Variants in LMO2 observed in about 807,000 individuals in gnomAD.
The protein encoded by LMO2 is LIM domain only 2.
LMO2 carries 20 observed loss-of-function variants against 23.2 expected under a neutral mutation model. That is an observed-to-expected ratio of 0.86 (90% CI 0.61 to 1.25). The LOEUF is 1.25. LMO2 is among the 50% of genes most tolerant of loss of function. The pLI, the probability that LMO2 is intolerant of heterozygous loss-of-function variation, is 0.00. For synonymous variants in LMO2, 123 were observed against 130.2 expected (o/e 0.94, Z 0.38); for missense variants, 270 against 315.3 (o/e 0.86, Z 1.09).
Position 33,866,613 on chromosome 11 carries a change from G to C in LMO2, c.249-1796C>G, listed in dbSNP as rs1856794183. Among the ~76,000 whole-genome samples, 3 of 152,208 alleles carry C rather than the reference G, an allele frequency of 2.0e-5. No individual in the cohort carries two copies. The South Asian group carries it at 6.2e-4, about 31-fold the overall frequency. On this transcript the variant is annotated intron_variant, in intron 4 of 5. Transcript: ENST00000257818. ...CACTCTAGACTAGACAACACAGTGA[G>C]ACCCTAGCTCAAAAAAATTCAAAAC...
rs1338212740 is a variant in LMO2 at position 33,870,570 on chromosome 11, C to T, written c.-271-583G>A. ...CCGGGACTGCACGGGCTGGGGACGC[C>T]TAGAGCAGAGCCAGGGCAGCTAATC... On this transcript the variant is annotated intron_variant, in intron 2 of 5. Coordinates refer to ENST00000257818, the MANE Select transcript of LMO2 (RefSeq NM_005574.4). 5 of 985,428 alleles carry T rather than the reference C, an allele frequency of 5.1e-6. No homozygotes were observed. In the East Asian group the frequency reaches 3.4e-4, roughly 67 times the overall value. The allele number at this position is 985,428 out of a possible 1,614,324, so 61.0% of individuals were successfully genotyped here. A position where few individuals can be genotyped will look rare whatever the true frequency, so the allele number is the denominator to read the frequency against.
In LMO2 at chr11:33,880,227, T is replaced by TGATATATATATCATATATACAC. The variant is rs2133711115; in HGVS notation, c.-272+1575_-272+1596dup. Among the ~76,000 whole-genome samples, 1 of 148,780 alleles carries TGATATATATATCATATATACAC rather than the reference T, an allele frequency of 6.7e-6. No individual in the cohort carries two copies. Among genetic ancestry groups the TGATATATATATCATATATACAC allele is most frequent in the East Asian group, 2.0e-4 (1 of 5,062 alleles). ...ATGATATATATATCATATATACACA[T>TGATATATATATCATATATACAC]GATATATATATCATATATACACATG... On this transcript the variant is annotated intron_variant, in intron 2 of 5. Transcript: ENST00000257818. This position sits in a 1 kb window ranked among gnomAD's most constrained non-coding sequence, Gnocchi z 4.3.
chr11:33,884,125 C>T (rs1214776410), intron 1 of LMO2, among the ~76,000 whole-genome samples: 2 of 152,146 alleles, frequency 1.3e-5, no homozygotes, highest in Non-Finnish European at 2.9e-5. Context: ...ATTACTTATG[C>T]AGGCATAGGC....
intron 4 of LMO2, 102 bp downstream of exon 4, chr11:33,869,244 G>T: frequency 1.2e-6 from 1 of 844,674 alleles, no homozygotes. Flanking sequence ...CGCCGCGAGC[G>T]CGCACCTGGA....
rs1034003777 is a variant in LMO2 at position 33,888,936 on chromosome 11, C to A, written c.-336+2859G>T. On this transcript the variant is annotated intron_variant, in intron 1 of 5. Transcript: ENST00000257818. ...GGAAAACTGAGGCTCAGGAAGGGTA[C>A]GCAACTTCTCCAGGCAGGACAGCTA... 3.3e-5 allele frequency among the ~76,000 whole-genome samples: 5 copies of A among 152,172 alleles called. No homozygotes were observed. The East Asian group carries it at 9.6e-4, about 29-fold the overall frequency.
intron 2 of LMO2, among the ~76,000 whole-genome samples, chr11:33,871,932 C>A (rs892987423): frequency 6.6e-6 from 1 of 152,056 alleles, no homozygotes; most frequent in African/African-American, 2.4e-5. Context: ...CATCCTTGAC[C>A]AGCTGTGTCA....
rs771681806 is a variant in LMO2 at position 33,864,672 on chromosome 11, G to A, written c.394C>T (p.Arg132Trp). The A allele has an allele frequency of 9.3e-6, 15 of 1,613,908 alleles. No individual in the cohort carries two copies. Among genetic ancestry groups the A allele is most frequent in the Admixed American group, 5.0e-5 (3 of 59,986 alleles). Residue 132 changes from arginine to tryptophan, a missense_variant, in exon 5 of 6, where the codon CGG (arginine) becomes TGG (tryptophan). Around this residue, in one of 2 missense-constraint regions of LMO2, gnomAD observed 100 missense variants for 153.3 expected, o/e 0.65. Coordinates refer to ENST00000257818, the MANE Select transcript of LMO2 (RefSeq NM_005574.4). The surrounding 1 kb of genome is among the most constrained non-coding windows in gnomAD (Gnocchi z 4.8). ...AGGCGCCGCCCCACCTCACCCAGCC[G>A]GCAGCCACAGAGGTCGCAGCTCAGG... ...DCLSCDLCGC[R>W]LGEVGRRLYY...
chr11:33,871,185 T>G, intron 2 of LMO2: 1 of 302,802 alleles, frequency 3.3e-6, no homozygotes, highest in Non-Finnish European at 4.8e-6. Context: ...GGGTCCCTAA[T>G]GGGTATAATC....
Position 33,859,364 on chromosome 11 carries a change from T to G in LMO2, c.676A>C (p.Met226Leu). The G allele has an allele frequency of 6.2e-7, 1 of 1,613,408 alleles. No individual in the cohort carries two copies. The highest frequency in any genetic ancestry group is 8.5e-7 in the Non-Finnish European group (1 of 1,179,428). ...DIYEWTKINGMI is the reference protein window; with the variant it reads ...DIYEWTKINGLI The stretch of plus-strand genomic sequence containing the variant: ...TGCCCGGGGACTCGGGCCTATATCA[T>G]CCCATTGATCTTAGTCCACTCGTAG... Residue 226 changes from methionine (M) to leucine (L), a missense_variant, in exon 6 of 6, where the codon ATG becomes CTG. Met to Leu is a conservative substitution (Grantham distance 15). Transcript: ENST00000257818.
At chr11:33,878,315 TTCTC>T (rs1194823563) in intron 2 of LMO2, among the ~76,000 whole-genome samples, 1 of 152,200 alleles carries the variant, frequency 6.6e-6, no homozygotes, top group Admixed American at 6.5e-5. Context: ...TGTTACTCTT[TTCTC>T]TCTATCGGGG....
intron 2 of LMO2, among the ~76,000 whole-genome samples, chr11:33,879,732 G>T (rs914303022): frequency 2.6e-5 from 4 of 152,062 alleles, no homozygotes; most frequent in Admixed American, 2.0e-4. Context: ...ACATACAAAT[G>T]GCCAATAAGC....
At chr11:33,870,505 G>T in intron 2 of LMO2, 1 of 987,844 alleles carries the variant, frequency 1.0e-6, no homozygotes, top group Non-Finnish European at 1.2e-6. Flanking sequence ...CGGGCTCCGG[G>T]CTGCGGCCGC....
At chr11:33,872,249 C>T (rs1308555699) in intron 2 of LMO2, among the ~76,000 whole-genome samples, 1 of 152,178 alleles carries the variant, frequency 6.6e-6, no homozygotes, top group Non-Finnish European at 1.5e-5. Context: ...AGAGATCGCG[C>T]CATTGCACTC....
At chr11:33,889,803 T>G (rs1362027492) in intron 1 of LMO2, among the ~76,000 whole-genome samples, 3 of 152,208 alleles carry the variant, frequency 2.0e-5, no homozygotes, top group Non-Finnish European at 1.5e-5. Context: ...CTACTGGGTA[T>G]CCATCCAAAG....
intron 1 of LMO2, among the ~76,000 whole-genome samples, chr11:33,883,315 A>G (rs1226718824): frequency 1.3e-5 from 2 of 152,230 alleles, no homozygotes; most frequent in Non-Finnish European, 2.9e-5. Flanking sequence ...AGAAGATGAG[A>G]ACACTGGTGT....
At position 33,869,518 on chromosome 11, in the gene LMO2, G is replaced by A. The variant is rs1037313410; in HGVS notation, c.76C>T (p.Arg26Cys). 4.1e-6 allele frequency: 5 copies of A among 1,226,490 alleles called. No homozygotes were observed. The highest frequency in any genetic ancestry group is 2.9e-5 in the South Asian group (1 of 34,186). The allele number at this position is 1,226,490 out of a possible 1,614,324, so 76.0% of individuals were successfully genotyped here. The change falls in exon 4 of 6, where the codon CGC becomes TGC. Residue 26 changes from arginine (R) to cysteine (C), a missense_variant. Arg to Cys is a radical substitution (Grantham distance 180, BLOSUM62 -3). Coordinates refer to ENST00000257818, the MANE Select transcript of LMO2 (RefSeq NM_005574.4). ...CCGCCGCCGTCGCCGCCGCTCCTGC[G>A]CCTCCGCTTGCTCCGGCGCTCCGCC... is the stretch of plus-strand genomic sequence containing the variant. ...SPAERRSKRR[R>C]RSGGDGGGGG...
intron 2 of LMO2, among the ~76,000 whole-genome samples, chr11:33,872,226 G>A (rs945984372): frequency 2.0e-5 from 3 of 152,216 alleles, no homozygotes; most frequent in Non-Finnish European, 4.4e-5. Context: ...AGGAGGCAGA[G>A]GTTGCAGTGA....
At chr11:33,877,347 G>A (rs1315918714) in intron 2 of LMO2, among the ~76,000 whole-genome samples, 1 of 152,158 alleles carries the variant, frequency 6.6e-6, no homozygotes, top group African/African-American at 2.4e-5. Context: ...ACAGGTCGCT[G>A]CTGGGGCAGC....
intron 1 of LMO2, among the ~76,000 whole-genome samples, chr11:33,885,611 G>T (rs1254017352): frequency 1.3e-5 from 2 of 152,242 alleles, no homozygotes; most frequent in East Asian, 3.9e-4. Context: ...GGAAGTTCCA[G>T]CCACAATGGC....
Sources: allele counts gnomAD v4.1 joint callset (sites outside exome capture counted in the v4.1 genomes callset), GRCh38; gene constraint gnomAD v4.1.1; regional missense constraint gnomAD v4.1.1; non-coding constraint Gnocchi (gnomAD v3.1); transcripts MANE v1.5; gene names NCBI Gene and HGNC (gene_info 2026-07-23, HGNC 2026-07-21).